The following ANKRD12 variants were observed in gnomAD, a reference collection of about 807,000 sequenced individuals.
ANKRD12 encodes the protein ankyrin repeat domain-containing protein 12.
In ANKRD12, 85 loss-of-function variants were observed where a neutral mutation model predicts 183.4. The observed-to-expected ratio is 0.46, with a 90% confidence interval of 0.39 to 0.56. The LOEUF is 0.56. Among genes scored for constraint, ANKRD12 ranks in the 20% least tolerant of loss-of-function variants. ANKRD12 has a pLI of 0.00. For synonymous variants in ANKRD12, 914 were observed against 800.2 expected (o/e 1.14, Z -2.40); for missense variants, 2,405 against 2,357.1 (o/e 1.02, Z -0.42).
intron 1 of ANKRD12, among the ~76,000 whole-genome samples, chr18:9,157,173 G>A (rs1010748158): frequency 6.6e-6 from 1 of 152,172 alleles, no homozygotes; most frequent in African/African-American, 2.4e-5. Context: ...AGTTAAAAAT[G>A]CATTAATACA....
Position 9,254,605 on chromosome 18 carries a change from C to T in ANKRD12, c.1338C>T (p.Ile446=). The change falls in exon 9 of 13, where the codon ATC becomes ATT. Residue 446 remains isoleucine, a synonymous_variant. Coordinates refer to ENST00000262126, the MANE Select transcript of ANKRD12 (RefSeq NM_015208.5). ...AGATTTCTACTTCATGTTCCGTCAT[C>T]CCTGAAACATCAAATTCTGATATGC... ...NKKISTSCSV[I]PETSNSDMQT... 6.3e-7 allele frequency: 1 copy of T among 1,585,252 alleles called. No individual in the cohort carries two copies. The highest frequency in any genetic ancestry group is 1.2e-5 in the South Asian group (1 of 83,692).
chr18:9,216,015 C>T (rs1370217808), intron 6 of ANKRD12, among the ~76,000 whole-genome samples: 2 of 141,328 alleles, frequency 1.4e-5, no homozygotes, highest in African/African-American at 2.6e-5. Context: ...GCTGCTTTTA[C>T]TTTTTTTTTT....
intron 1 of ANKRD12, among the ~76,000 whole-genome samples, chr18:9,172,650 A>C (rs1010977050): frequency 6.6e-6 from 1 of 152,110 alleles, no homozygotes; most frequent in African/African-American, 2.4e-5. Flanking sequence ...GCTTCTTTGC[A>C]TTGGGTTGCA....
At chr18:9,197,436 G>T (rs1031023902) in intron 3 of ANKRD12, among the ~76,000 whole-genome samples, 1 of 152,202 alleles carries the variant, frequency 6.6e-6, no homozygotes, top group Non-Finnish European at 1.5e-5. Context: ...ATGGTGTGGG[G>T]ACTAGGGGCG....
chr18:9,188,070 C>T (rs2034217930), intron 2 of ANKRD12, among the ~76,000 whole-genome samples: 1 of 152,206 alleles, frequency 6.6e-6, no homozygotes, highest in African/African-American at 2.4e-5. Context: ...TACTTGTAAG[C>T]TAATTAGCTT....
intron 7 of ANKRD12, among the ~76,000 whole-genome samples, chr18:9,218,863 G>A: frequency 6.6e-6 from 1 of 151,756 alleles, no homozygotes; most frequent in East Asian, 1.9e-4. Flanking sequence ...GAGACCCTGT[G>A]TTGTTCAGGC....
intron 8 of ANKRD12, among the ~76,000 whole-genome samples, chr18:9,252,966 G>A (rs767403173): frequency 3.3e-5 from 5 of 152,070 alleles, no homozygotes. Flanking sequence ...TAACATTTTA[G>A]TAGCTAATGT....
At chr18:9,140,652 G>C (rs552126353) in intron 1 of ANKRD12, among the ~76,000 whole-genome samples, 5 of 152,222 alleles carry the variant, frequency 3.3e-5, no homozygotes, top group African/African-American at 1.2e-4. Flanking sequence ...ACTCAGCTTT[G>C]AATAGTTCGT....
intron 11 of ANKRD12, among the ~76,000 whole-genome samples, chr18:9,276,172 A>G (rs576179573): frequency 6.6e-6 from 1 of 152,384 alleles, no homozygotes; most frequent in East Asian, 1.9e-4. Context: ...AGAACCAGTC[A>G]TACTAGTTTT....
chr18:9,143,162 C>G (rs2078377198), intron 1 of ANKRD12, among the ~76,000 whole-genome samples: 1 of 152,158 alleles, frequency 6.6e-6, no homozygotes, highest in Non-Finnish European at 1.5e-5. Context: ...TAGATACTTT[C>G]ATGTATGTTA....
intron 8 of ANKRD12, among the ~76,000 whole-genome samples, chr18:9,222,436 T>A (rs1183058704): frequency 1.3e-5 from 2 of 152,078 alleles, no homozygotes; most frequent in African/African-American, 4.8e-5. Context: ...GGTTGAATTC[T>A]GATCATTGTT....
In ANKRD12 at chr18:9,221,875, C is replaced by G; in HGVS notation, c.819C>G (p.His273Gln). 1 of 1,613,696 alleles carries G rather than the reference C, an allele frequency of 6.2e-7. No homozygotes were observed. Among genetic ancestry groups the G allele is most frequent in the Non-Finnish European group, 8.5e-7 (1 of 1,179,832 alleles). Residue 273 changes from histidine to glutamine, a missense_variant, in exon 8 of 13, where the codon CAC becomes CAG. By Grantham distance (24) the His-to-Gln change is conservative (BLOSUM62 0). Around this residue, in one of 7 missense-constraint regions of ANKRD12, gnomAD observed 40 missense variants for 54.2 expected, o/e 0.74. Transcript: ENST00000262126. ...AGATAGTAAAGCTGTTACTTCGTCA[C>G]GGTGGAAATCCATTTCAAGCTAATA... ...HRDIVKLLLR[H>Q]GGNPFQANKH...
At chr18:9,239,640 C>G in intron 8 of ANKRD12, 1 of 554,904 alleles carries the variant, frequency 1.8e-6, no homozygotes, top group South Asian at 1.8e-5. Flanking sequence ...ACATGAGGTC[C>G]TTGTTAGATT....
intron 3 of ANKRD12, among the ~76,000 whole-genome samples, chr18:9,202,754 G>A (rs1432863192): frequency 6.6e-6 from 1 of 152,128 alleles, no homozygotes; most frequent in Non-Finnish European, 1.5e-5. Context: ...CAGCATAAAA[G>A]GAAGTAGTTG....
At chr18:9,252,283 G>T (rs1047728535) in intron 8 of ANKRD12, among the ~76,000 whole-genome samples, 3 of 152,178 alleles carry the variant, frequency 2.0e-5, no homozygotes, top group Admixed American at 6.5e-5. Context: ...AAGTGAAATG[G>T]CATCATGGAG....
In ANKRD12 at chr18:9,276,617, G is replaced by A. The variant is rs552304503; in HGVS notation, c.5907+950G>A. 2.5e-3 allele frequency among the ~76,000 whole-genome samples: 386 copies of A among 152,260 alleles called. 2 individuals are homozygous for A. Among genetic ancestry groups the A allele is most frequent in the African/African-American group, 8.8e-3 (364 of 41,546 alleles). On this transcript the variant is annotated intron_variant, in intron 11 of 12. Transcript: ENST00000262126. The stretch of plus-strand genomic sequence containing the variant: ...TAGTCCCAGCTACCAGGGAGGCTGA[G>A]GTAGGAGGATCTGTTGAGCCTGGCA...
At chr18:9,232,009 G>T (rs185258696) in intron 8 of ANKRD12, among the ~76,000 whole-genome samples, 181 of 152,168 alleles carry the variant, frequency 1.2e-3, no homozygotes, top group African/African-American at 3.7e-3. Context: ...CAGCTAGTCT[G>T]TGTCTATTAA....
At chr18:9,248,710 C>G (rs1303893400) in intron 8 of ANKRD12, among the ~76,000 whole-genome samples, 2 of 151,938 alleles carry the variant, frequency 1.3e-5, no homozygotes, top group Non-Finnish European at 2.9e-5. Context: ...CTGAGAAAAC[C>G]AGGAGCTCAG....
chr18:9,197,138 T>C (rs1200691996), intron 3 of ANKRD12, among the ~76,000 whole-genome samples: 3 of 152,216 alleles, frequency 2.0e-5, no homozygotes, highest in Non-Finnish European at 4.4e-5. Context: ...AGAGCCTTTG[T>C]CATTAGATCA....
Sources: allele counts gnomAD v4.1 joint callset (sites outside exome capture counted in the v4.1 genomes callset), GRCh38; gene constraint gnomAD v4.1.1; regional missense constraint gnomAD v4.1.1; transcripts MANE v1.5; gene names NCBI Gene and HGNC (gene_info 2026-07-23, HGNC 2026-07-21).